ATOSA: variants seen among roughly 807,000 people sequenced by gnomAD.
The protein encoded by ATOSA is atos homolog protein A.
the ATOSA span, among the ~76,000 whole-genome samples, chr15:52,588,119 C>A: frequency 1.5e-4 from 23 of 152,154 alleles, no homozygotes; most frequent in Non-Finnish European, 3.1e-4. Flanking sequence ...CTCAGATGAG[C>A]ATCATCAGCA....
At chr15:52,646,209 T>A in the ATOSA span, among the ~76,000 whole-genome samples, 4 of 152,138 alleles carry the variant, frequency 2.6e-5, no homozygotes, top group Admixed American at 6.6e-5. Context: ...CTAAAACTCC[T>A]GGAGAAATAA....
At chr15:52,638,509 CA>C in the ATOSA span, among the ~76,000 whole-genome samples, 2 of 151,896 alleles carry the variant, frequency 1.3e-5, no homozygotes, top group South Asian at 4.2e-4. Context: ...GCCTGGCCAA[CA>C]GAGTGAAACC....
chr15:52,682,292 A>C, the ATOSA span, among the ~76,000 whole-genome samples: 32 of 152,146 alleles, frequency 2.1e-4, no homozygotes, highest in African/African-American at 7.7e-4. Flanking sequence ...AAAAAAAAAA[A>C]ATTGTGTTGC....
chr15:52,612,723 T>C, the ATOSA span, among the ~76,000 whole-genome samples: 1 of 151,950 alleles, frequency 6.6e-6, no homozygotes, highest in Non-Finnish European at 1.5e-5. Context: ...CAGGCTGGTC[T>C]TGAACTCCTG....
At chr15:52,666,996 A>C in the ATOSA span, among the ~76,000 whole-genome samples, 5 of 152,214 alleles carry the variant, frequency 3.3e-5, no homozygotes, top group African/African-American at 1.2e-4. Context: ...GAGCGAAGAT[A>C]TCAAATATAA....
the ATOSA span, among the ~76,000 whole-genome samples, chr15:52,699,797 T>A: frequency 1.3e-5 from 2 of 152,156 alleles, no homozygotes; most frequent in Non-Finnish European, 2.9e-5. Flanking sequence ...AGGATCACCA[T>A]GCCTTACTGT....
At chr15:52,673,103 AT>A in the ATOSA span, among the ~76,000 whole-genome samples, 2 of 152,238 alleles carry the variant, frequency 1.3e-5, no homozygotes, top group East Asian at 3.8e-4. Context: ...ATGTCCAAAA[AT>A]AATAGCAGTT....
chr15:52,600,832 G>A, the ATOSA span, among the ~76,000 whole-genome samples: 1 of 145,232 alleles, frequency 6.9e-6, no homozygotes, highest in Non-Finnish European at 1.5e-5. Context: ...GGTAGTAGAG[G>A]TTAATAACTA....
At chr15:52,608,788 T>C in the ATOSA span, 1 of 1,604,302 alleles carries the variant, frequency 6.2e-7, no homozygotes, top group Non-Finnish European at 8.5e-7. Context: ...CTTAGGCCTT[T>C]TTGAGTCTTT....
At chr15:52,599,653 G>A in the ATOSA span, among the ~76,000 whole-genome samples, 1 of 152,214 alleles carries the variant, frequency 6.6e-6, no homozygotes, top group East Asian at 1.9e-4. Context: ...AAACATATCA[G>A]AAATCTTTAT....
At chr15:52,599,848 G>T in the ATOSA span, among the ~76,000 whole-genome samples, 1 of 152,130 alleles carries the variant, frequency 6.6e-6, no homozygotes, top group African/African-American at 2.4e-5. Context: ...AGAAGATGTG[G>T]TCAAATCTAT....
At chr15:52,608,694 G>A in the ATOSA span, 1 of 1,612,276 alleles carries the variant, frequency 6.2e-7, no homozygotes, top group Non-Finnish European at 8.5e-7. Context: ...TTTTTAATTG[G>A]TCTGACTTTT....
chr15:52,619,130 T>A, the ATOSA span, among the ~76,000 whole-genome samples: 1 of 152,228 alleles, frequency 6.6e-6, no homozygotes, highest in African/African-American at 2.4e-5. Context: ...ATTACCTAAG[T>A]ACAAGTGATA....
the ATOSA span, among the ~76,000 whole-genome samples, chr15:52,671,800 CT>C: frequency 6.6e-6 from 1 of 151,044 alleles, no homozygotes; most frequent in Non-Finnish European, 1.5e-5. Flanking sequence ...GGGAGAAAGG[CT>C]TTTTAGGCAG....
chr15:52,600,902 T>G, the ATOSA span, among the ~76,000 whole-genome samples: 1 of 152,138 alleles, frequency 6.6e-6, no homozygotes, highest in Non-Finnish European at 1.5e-5. Context: ...CACTATATAG[T>G]TGCTACTCAT....
chr15:52,696,007 T>C, the ATOSA span, among the ~76,000 whole-genome samples: 1 of 152,070 alleles, frequency 6.6e-6, no homozygotes, highest in Non-Finnish European at 1.5e-5. Flanking sequence ...CTAGATTACA[T>C]GGGGTTTTAG....
the ATOSA span, among the ~76,000 whole-genome samples, chr15:52,613,232 G>A: frequency 2.1e-3 from 325 of 152,334 alleles, 1 homozygote; most frequent in Non-Finnish European, 3.9e-3. Context: ...CTGGTGTGGT[G>A]GCACGCACCT....
At chr15:52,650,437 A>G in the ATOSA span, among the ~76,000 whole-genome samples, 5 of 152,168 alleles carry the variant, frequency 3.3e-5, no homozygotes, top group Non-Finnish European at 7.3e-5. Context: ...TACGTAAAAC[A>G]TTTTTTTAAT....
chr15:52,677,408 T>C, the ATOSA span, among the ~76,000 whole-genome samples: 2 of 152,228 alleles, frequency 1.3e-5, no homozygotes, highest in African/African-American at 4.8e-5. Context: ...AGTGTATATA[T>C]TATTCTTATA....
Sources: allele counts gnomAD v4.1 joint callset (sites outside exome capture counted in the v4.1 genomes callset), GRCh38; gene constraint gnomAD v4.1.1; transcripts MANE v1.5; gene names NCBI Gene and HGNC (gene_info 2026-07-23, HGNC 2026-07-21).